Variants in BAZ2B observed in about 807,000 individuals in gnomAD.
The protein encoded by BAZ2B is bromodomain adjacent to zinc finger domain protein 2B.
BAZ2B carries 91 observed loss-of-function variants against 246.0 expected under a neutral mutation model. The ratio of observed to expected loss-of-function variants is 0.37; its 90% CI spans 0.31 to 0.44. BAZ2B has a LOEUF of 0.44. Ranked by LOEUF, BAZ2B falls within the 20% of genes least tolerant of loss-of-function variation. The pLI is 1.00. For synonymous variants in BAZ2B, 855 were observed against 860.0 expected (o/e 0.99, Z 0.10); for missense variants, 2,332 against 2,533.7 (o/e 0.92, Z 1.71).
At chr2:159,490,019 C>T (rs764595351) in intron 2 of BAZ2B, among the ~76,000 whole-genome samples, 3 of 152,176 alleles carry the variant, frequency 2.0e-5, no homozygotes, top group Non-Finnish European at 4.4e-5. Flanking sequence ...CTTGGAATTA[C>T]ATTATATTGG....
chr2:159,470,385 G>A (rs1266570248), intron 3 of BAZ2B, among the ~76,000 whole-genome samples: 2 of 152,192 alleles, frequency 1.3e-5, no homozygotes, highest in African/African-American at 4.8e-5. Flanking sequence ...CCTACAGCCT[G>A]GAGGTTACAT....
At chr2:159,415,297 T>C (rs940062100) in intron 13 of BAZ2B, among the ~76,000 whole-genome samples, 15 of 151,854 alleles carry the variant, frequency 9.9e-5, no homozygotes, top group African/African-American at 3.4e-4. Flanking sequence ...ATACAAAAAT[T>C]AGCCGGGCGT....
the BAZ2B span, among the ~76,000 whole-genome samples, chr2:159,704,440 C>T: frequency 8.0e-5 from 11 of 137,704 alleles, no homozygotes; most frequent in Admixed American, 4.2e-4. Context: ...TTACCATTTC[C>T]TTCCTTCCTC....
chr2:159,577,449 G>C (rs1482805725), intron 1 of BAZ2B, among the ~76,000 whole-genome samples: 1 of 152,128 alleles, frequency 6.6e-6, no homozygotes, highest in East Asian at 1.9e-4. Flanking sequence ...CTTTCTGTAA[G>C]TATGCATTAC....
At chr2:159,382,832 GA>G in intron 24 of BAZ2B, 30 bp from the exon 25 acceptor site, 6 of 1,588,234 alleles carry the variant, frequency 3.8e-6, no homozygotes, top group South Asian at 1.1e-5. Flanking sequence ...TGATGACAAG[GA>G]AAAAAAGACT....
intron 2 of BAZ2B, among the ~76,000 whole-genome samples, chr2:159,537,982 T>C (rs1408002843): frequency 2.6e-5 from 4 of 152,122 alleles, no homozygotes; most frequent in African/African-American, 7.2e-5. Flanking sequence ...GTAAATACTA[T>C]GTGCAATTAA....
At chr2:159,322,678 C>A (rs2062861565) in intron 36 of BAZ2B, among the ~76,000 whole-genome samples, 1 of 152,080 alleles carries the variant, frequency 6.6e-6, no homozygotes, top group South Asian at 2.1e-4. Context: ...ATATGTGTGT[C>A]CTTCCTTTAT....
At position 159,332,696 on chromosome 2, in the gene BAZ2B, A is replaced by G. The variant is rs750173148; in HGVS notation, c.5797-10T>C. Reference sequence around the variant, plus strand: ...GACAGATTTGGCAGTACTATAATACATGAAAAATCATTTAAAATTAACGCT... The same window carrying G: ...GACAGATTTGGCAGTACTATAATACGTGAAAAATCATTTAAAATTAACGCT... On this transcript the variant is annotated splice_polypyrimidine_tract_variant and intron_variant, in intron 33 of 36. Transcript: ENST00000392783. The G allele has an allele frequency of 5.0e-6, 8 of 1,611,974 alleles. No individual in the cohort carries two copies. Among genetic ancestry groups the G allele is most frequent in the Non-Finnish European group, 6.8e-6 (8 of 1,179,166 alleles).
At chr2:159,316,019 A>G (rs1344005756), downstream of BAZ2B, among the ~76,000 whole-genome samples, 1 of 152,222 alleles carries the variant, frequency 6.6e-6, no homozygotes, top group Admixed American at 6.5e-5. Context: ...AATACAACTG[A>G]TATGTCTAAA....
the BAZ2B span, among the ~76,000 whole-genome samples, chr2:159,695,694 A>G: frequency 6.6e-6 from 1 of 152,166 alleles, no homozygotes; most frequent in African/African-American, 2.4e-5. Flanking sequence ...GACCATAAAT[A>G]TAAGGGTCTA....
At chr2:159,502,759 G>A (rs1358424802) in intron 2 of BAZ2B, among the ~76,000 whole-genome samples, 1 of 152,182 alleles carries the variant, frequency 6.6e-6, no homozygotes, top group East Asian at 1.9e-4. Context: ...AAGACCAAAT[G>A]TAGAATGTCT....
the BAZ2B span, chr2:159,689,632 A>C: frequency 3.8e-6 from 1 of 262,964 alleles, no homozygotes; most frequent in African/African-American, 2.3e-5. Flanking sequence ...CCTCAGCCCC[A>C]AAGTGCTGGG....
the BAZ2B span, among the ~76,000 whole-genome samples, chr2:159,658,814 T>C: frequency 3.3e-5 from 5 of 152,110 alleles, no homozygotes; most frequent in Non-Finnish European, 5.9e-5. Context: ...CCACTGCACC[T>C]AGCTAAATTT....
chr2:159,698,803 T>A, the BAZ2B span, among the ~76,000 whole-genome samples: 1 of 152,260 alleles, frequency 6.6e-6, no homozygotes, highest in Non-Finnish European at 1.5e-5. Flanking sequence ...TCCAAAGCAA[T>A]AATAATTTTA....
At chr2:159,370,589 G>C (rs1016599522) in intron 27 of BAZ2B, among the ~76,000 whole-genome samples, 5 of 151,794 alleles carry the variant, frequency 3.3e-5, no homozygotes, top group African/African-American at 4.8e-5. Flanking sequence ...AACCAGGATG[G>C]TCTTGATCTC....
intron 27 of BAZ2B, among the ~76,000 whole-genome samples, chr2:159,366,724 T>C (rs1559127954): frequency 6.6e-6 from 1 of 152,260 alleles, no homozygotes; most frequent in Admixed American, 6.5e-5. Flanking sequence ...GGACTTTTTG[T>C]TGGATATGCA....
At position 159,349,042 on chromosome 2, in the gene BAZ2B, G is replaced by A; in HGVS notation, c.5102C>T (p.Pro1701Leu). 6.2e-7 allele frequency: 1 copy of A among 1,614,044 alleles called. No homozygotes were observed. ...AQPAAVEVAK[P>L]VDFPSPKPIP... ...AGGTTTTGGACTAGGAAAATCTACT[G>A]GTTTTGCTACTTCAACAGCTGCAGG... The change falls in exon 29 of 37, where the codon CCA becomes CTA. Residue 1701 changes from proline to leucine, a missense_variant. Around this residue, in one of 9 missense-constraint regions of BAZ2B, gnomAD observed 676 missense variants for 668.6 expected, o/e 1.01. Coordinates refer to ENST00000392783, the MANE Select transcript of BAZ2B (RefSeq NM_013450.4).
chr2:159,648,548 G>C, the BAZ2B span, among the ~76,000 whole-genome samples: 1 of 152,030 alleles, frequency 6.6e-6, no homozygotes, highest in Non-Finnish European at 1.5e-5. Flanking sequence ...TTGCATTTTT[G>C]GAAGTTCATA....
At chr2:159,627,849 T>C in the BAZ2B span, among the ~76,000 whole-genome samples, 1 of 152,110 alleles carries the variant, frequency 6.6e-6, no homozygotes, top group African/African-American at 2.4e-5. Context: ...AAATAAAGGG[T>C]ATTCAAATAG....
Sources: allele counts gnomAD v4.1 joint callset (sites outside exome capture counted in the v4.1 genomes callset), GRCh38; gene constraint gnomAD v4.1.1; regional missense constraint gnomAD v4.1.1; transcripts MANE v1.5; gene names NCBI Gene and HGNC (gene_info 2026-07-23, HGNC 2026-07-21).